The following ALDH2 variants were observed in gnomAD, a reference collection of about 807,000 sequenced individuals.
ALDH2 encodes aldehyde dehydrogenase, mitochondrial.
Under a neutral mutation model 59.6 loss-of-function variants are expected in ALDH2, and 44 were observed. That is an observed-to-expected ratio of 0.74 (90% confidence interval 0.58 to 0.95). The LOEUF is 0.95. Ranked by LOEUF, ALDH2 falls within the 40% of genes least tolerant of loss-of-function variation. The pLI is 0.00. For missense variants in ALDH2, 570 were observed against 696.3 expected, an observed-to-expected ratio of 0.82 and a Z score of 2.04; for synonymous variants, 291 against 284.0, an observed-to-expected ratio of 1.02 and a Z score of -0.25.
intron 1 of ALDH2, among the ~76,000 whole-genome samples, chr12:111,774,973 G>T (rs1347906369): frequency 6.6e-6 from 1 of 152,158 alleles, no homozygotes; most frequent in Non-Finnish European, 1.5e-5. Context: ...CATGTGAAAG[G>T]GTTCGCCACA....
Position 111,809,900 on chromosome 12 carries a change from C to A in ALDH2, c.*325C>A. On this transcript the variant is annotated 3_prime_UTR_variant, in exon 13 of 13. Transcript: ENST00000261733. ...TAGGGGAAGAAAAAGCTATTGTTTA[C>A]AATTATATCACCATTAAGGCAACTG... 2.4e-6 allele frequency: 1 copy of A among 415,358 alleles called. No individual in the cohort carries two copies. Among genetic ancestry groups the A allele is most frequent in the Non-Finnish European group, 4.4e-6 (1 of 227,360 alleles). The allele number at this position is 415,358 out of a possible 1,614,324, so 25.7% of individuals were successfully genotyped here. A position where few individuals can be genotyped will look rare whatever the true frequency, so the allele number is the denominator to read the frequency against.
intron 12 of ALDH2, among the ~76,000 whole-genome samples, chr12:111,805,747 G>A (rs1466356396): frequency 2.0e-5 from 3 of 152,176 alleles, no homozygotes; most frequent in Admixed American, 6.6e-5. Context: ...CAAAATGGCC[G>A]GGCGCGGTGG....
intron 9 of ALDH2, among the ~76,000 whole-genome samples, chr12:111,793,185 T>C (rs987406910): frequency 4.6e-5 from 7 of 152,112 alleles, no homozygotes; most frequent in Non-Finnish European, 8.8e-5. Context: ...TTTCACTTCA[T>C]GTTTTGAGCT....
chr12:111,809,895 G>A lies in ALDH2; in HGVS notation c.*320G>A, dbSNP rs2068523305. On this transcript the variant is annotated 3_prime_UTR_variant, in exon 13 of 13. Coordinates refer to ENST00000261733, the MANE Select transcript of ALDH2 (RefSeq NM_000690.4). ...GTTTATAGGGGAAGAAAAAGCTATT[G>A]TTTACAATTATATCACCATTAAGGC... The A allele has an allele frequency of 2.4e-6, 1 of 423,316 alleles. No homozygotes were observed. Among genetic ancestry groups the A allele is most frequent in the Non-Finnish European group, 4.3e-6 (1 of 232,610 alleles). 26.2% of individuals were successfully genotyped at this position (423,316 alleles called of 1,614,324 possible). A position where few individuals can be genotyped will look rare whatever the true frequency, so the allele number is the denominator to read the frequency against.
chr12:111,798,623 C>T (rs1784315968), intron 10 of ALDH2, among the ~76,000 whole-genome samples: 1 of 152,086 alleles, frequency 6.6e-6, no homozygotes, highest in African/African-American at 2.4e-5. Flanking sequence ...TAGCCTTGAA[C>T]TCTTGGGCTC....
chr12:111,790,770 C>G (rs2068351719), intron 6 of ALDH2, among the ~76,000 whole-genome samples: 2 of 152,118 alleles, frequency 1.3e-5, no homozygotes, highest in African/African-American at 4.8e-5. Flanking sequence ...AAATATTGCT[C>G]TAGGCCAGGC....
chr12:111,807,388 C>T (rs951788765), intron 12 of ALDH2, among the ~76,000 whole-genome samples: 4 of 152,204 alleles, frequency 2.6e-5, no homozygotes, highest in Admixed American at 1.3e-4. Context: ...ACCCACTTCC[C>T]AGTGGGTACA....
At chr12:111,799,471 ATT>A (rs749835920) in intron 10 of ALDH2, among the ~76,000 whole-genome samples, 13 of 139,972 alleles carry the variant, frequency 9.3e-5, no homozygotes, top group Admixed American at 1.4e-4. Context: ...CTGGCCAAAA[ATT>A]TTTTTTTTTT....
At position 111,815,740 on chromosome 12, in the gene ALDH2, G is replaced by A. The variant is rs1213508900; in HGVS notation, c.*6165G>A. The A allele has an allele frequency of 1.3e-5, 2 of 151,488 alleles. No individual in the cohort carries two copies. Among genetic ancestry groups the A allele is most frequent in the East Asian group, 3.9e-4 (2 of 5,134 alleles). 9.4% of individuals were successfully genotyped at this position (151,488 alleles called of 1,614,324 possible). On this transcript the variant is annotated 3_prime_UTR_variant, in exon 13 of 13. Coordinates refer to ENST00000261733, the MANE Select transcript of ALDH2 (RefSeq NM_000690.4). ...TCCTCCCACCTCAGCCTCCTGAGTA[G>A]CTGGGATTATAGGCGTGCACTACCA... is the stretch of plus-strand genomic sequence containing the variant.
At position 111,785,256 on chromosome 12, in the gene ALDH2, T is replaced by G. The variant is rs2068301261; in HGVS notation, c.361-11T>G. 1 of 1,611,306 alleles carries G rather than the reference T, an allele frequency of 6.2e-7. No individual in the cohort carries two copies. On this transcript the variant is annotated splice_polypyrimidine_tract_variant and intron_variant, in intron 3 of 12. Transcript: ENST00000261733. ...GCACCCATGTCTCTGCTGACCTTGT[T>G]TTCTTCTCAGGCCTTGGAGACCCTG...
Position 111,799,895 on chromosome 12 carries a change from T to C in ALDH2, c.1249-11T>C. On this transcript the variant is annotated splice_polypyrimidine_tract_variant and intron_variant, in intron 10 of 12. Transcript: ENST00000261733. ...GTTGCCGAACCCTCCTACGCTGCTC[T>C]CTCACTCCAGATCTTCGGGCCAGTG... is the stretch of plus-strand genomic sequence containing the variant. The C allele has an allele frequency of 6.2e-7, 1 of 1,612,100 alleles. No individual in the cohort carries two copies. Among genetic ancestry groups the C allele is most frequent in the South Asian group, 1.1e-5 (1 of 90,822 alleles).
chr12:111,783,056 C>T (rs1252020844), intron 2 of ALDH2, 102 bp from the exon 3 acceptor site: 9 of 1,459,258 alleles, frequency 6.2e-6, no homozygotes, highest in Middle Eastern at 1.8e-4. Flanking sequence ...TTCTGTGCAG[C>T]GATATGCTGA....
At chr12:111,783,470 C>T (rs1481676860) in intron 3 of ALDH2, among the ~76,000 whole-genome samples, 172 bp downstream of exon 3, 1 of 152,172 alleles carries the variant, frequency 6.6e-6, no homozygotes. Context: ...TCTGTACTAA[C>T]CAGAGGAGCC....
At chr12:111,798,883 C>T (rs893639839) in intron 10 of ALDH2, among the ~76,000 whole-genome samples, 1 of 151,842 alleles carries the variant, frequency 6.6e-6, no homozygotes, top group Admixed American at 6.6e-5. Context: ...GTGGCGCTTG[C>T]TTGAAATCCC....
chr12:111,804,331 G>A (rs753609591), intron 12 of ALDH2, among the ~76,000 whole-genome samples: 3 of 152,178 alleles, frequency 2.0e-5, no homozygotes, highest in Admixed American at 6.5e-5. Context: ...AGGCCTATGC[G>A]GTCATTTGCT....
intron 1 of ALDH2, among the ~76,000 whole-genome samples, chr12:111,780,853 T>A (rs530116928): frequency 6.6e-6 from 1 of 152,262 alleles, no homozygotes; most frequent in East Asian, 1.9e-4. Flanking sequence ...CTGGGCATGG[T>A]GACTCACACC....
At chr12:111,775,680 C>T (rs1593070214) in intron 1 of ALDH2, 1 of 455,456 alleles carries the variant, frequency 2.2e-6, no homozygotes, top group East Asian at 7.0e-5. Context: ...GCTAGGACAT[C>T]CCCCCACCAC....
chr12:111,777,032 A>G (rs1334911995), intron 1 of ALDH2, among the ~76,000 whole-genome samples: 1 of 152,220 alleles, frequency 6.6e-6, no homozygotes, highest in Admixed American at 6.5e-5. Context: ...TAAGTAAACC[A>G]TAAAGATGGA....
At position 111,809,838 on chromosome 12, in the gene ALDH2, A is replaced by G; in HGVS notation, c.*263A>G. 5 of 533,652 alleles carry G rather than the reference A, an allele frequency of 9.4e-6. No individual in the cohort carries two copies. Among genetic ancestry groups the G allele is most frequent in the Non-Finnish European group, 1.7e-5 (5 of 300,086 alleles). 33.1% of individuals were successfully genotyped at this position (533,652 alleles called of 1,614,324 possible). A position where few individuals can be genotyped will look rare whatever the true frequency, so the allele number is the denominator to read the frequency against. On this transcript the variant is annotated 3_prime_UTR_variant, in exon 13 of 13. Coordinates refer to ENST00000261733, the MANE Select transcript of ALDH2 (RefSeq NM_000690.4). ...TTTAAAAAATAGATTCAAATGTGTT[A>G]TCCTCTCTCTGAAACGCTTCCTATA...
Sources: gnomAD v4.1 joint callset for allele counts (sites outside exome capture counted in the v4.1 genomes callset) on GRCh38, gnomAD v4.1.1 for gene constraint, MANE v1.5 for transcripts, NCBI Gene and HGNC (gene_info 2026-07-23, HGNC 2026-07-21) for gene names.